POLG2: variants seen among roughly 807,000 people sequenced by gnomAD.
POLG2 encodes DNA polymerase gamma 2, accessory subunit, also known as DNA polymerase subunit gamma-2.
A neutral mutation model predicts 56.5 loss-of-function variants in POLG2; 50 were observed. The ratio of observed to expected loss-of-function variants is 0.88; its 90% CI spans 0.71 to 1.12. The LOEUF (loss-of-function observed/expected upper bound fraction) is 1.12, where lower values mean the gene tolerates loss of function less well. Among genes scored for constraint, POLG2 ranks in the 50% most tolerant of loss-of-function variants. POLG2 has a pLI of 0.00. For synonymous variants in POLG2, 226 were observed against 222.6 expected, an observed-to-expected ratio of 1.02 and a Z score of -0.14; for missense variants, 584 against 583.3, an observed-to-expected ratio of 1.00 and a Z score of -0.01.
rs551963653 is a variant in POLG2 at position 64,481,176 on chromosome 17, T to C, written c.1192-787A>G. 21 of 623,616 alleles carry C rather than the reference T, an allele frequency of 3.4e-5. No individual in the cohort carries two copies. In the South Asian group the frequency reaches 8.5e-4, roughly 25 times the overall value. The allele number at this position is 623,616 out of a possible 1,614,324, so 38.6% of individuals were successfully genotyped here. A position where few individuals can be genotyped will look rare whatever the true frequency, so the allele number is the denominator to read the frequency against. The stretch of plus-strand genomic sequence containing the variant: ...AACCACAAATCTCTCCAGACATTAC[T>C]AAATGGTGACTGAGCTACAGCATCC... On this transcript the variant is annotated intron_variant, in intron 6 of 7. Transcript: ENST00000539111.
chr17:64,482,791 T>G, intron 6 of POLG2, 128 bp downstream of exon 6: 1 of 661,230 alleles, frequency 1.5e-6, no homozygotes, highest in Non-Finnish European at 2.8e-6. Flanking sequence ...CATTTAAGAT[T>G]TTGGATTTTT....
At chr17:64,496,289 GAACT>G (rs578225689) in intron 1 of POLG2, 114 bp downstream of exon 1, 110 of 694,048 alleles carry the variant, frequency 1.6e-4, no homozygotes, top group East Asian at 1.3e-3. Flanking sequence ...AAAAAGATGA[GAACT>G]AACTAACTTC....
rs543014656 is a variant in POLG2, at chr17:64,494,226, T to G, written c.563-1205A>C. 1.1e-4 allele frequency among the ~76,000 whole-genome samples: 17 copies of G among 152,334 alleles called. No individual in the cohort carries two copies. In the South Asian group the frequency reaches 3.5e-3, roughly 32 times the overall value. On this transcript the variant is annotated intron_variant, in intron 1 of 7. Transcript: ENST00000539111. ...TCATAGATTGTCTCACATTTGGGAT[T>G]TGTCTGATTGTTTCCTTATGATTTA... is the stretch of plus-strand genomic sequence containing the variant.
intron 5 of POLG2, 42 bp from the exon 6 acceptor site, chr17:64,483,041 A>G (rs1288123061): frequency 4.1e-6 from 4 of 974,794 alleles, no homozygotes; most frequent in Non-Finnish European, 6.6e-6. Flanking sequence ...AGGAAAGGGG[A>G]AAAAGCATAG....
intron 1 of POLG2, among the ~76,000 whole-genome samples, chr17:64,495,279 A>G (rs2038131866): frequency 6.7e-6 from 1 of 150,152 alleles, no homozygotes; most frequent in Admixed American, 6.6e-5. Flanking sequence ...GTTAGGAAAT[A>G]TATTTTTAAA....
chr17:64,489,060 C>T (rs2038009598), intron 4 of POLG2, among the ~76,000 whole-genome samples: 2 of 145,634 alleles, frequency 1.4e-5, no homozygotes, highest in African/African-American at 5.1e-5. Context: ...TGGTCTCATC[C>T]TGTTGCACAG....
chr17:64,487,133 A>G (rs1172690661), intron 4 of POLG2: 2 of 152,192 alleles, frequency 1.3e-5, no homozygotes, highest in Non-Finnish European at 2.9e-5. Context: ...AGCTTCTGTT[A>G]ATTATTCATG....
At chr17:64,490,717 C>T (rs2038043172) in intron 4 of POLG2, 79 bp downstream of exon 4, 3 of 1,121,808 alleles carry the variant, frequency 2.7e-6, no homozygotes, top group South Asian at 2.5e-5. Context: ...ACCACGTTTG[C>T]ACCTTATTCT....
chr17:64,484,793 A>T (rs1373439609), intron 5 of POLG2, among the ~76,000 whole-genome samples: 1 of 152,192 alleles, frequency 6.6e-6, no homozygotes, highest in African/African-American at 2.4e-5. Flanking sequence ...CTAAATGAAC[A>T]CTGTATAATA....
intron 4 of POLG2, among the ~76,000 whole-genome samples, chr17:64,488,836 C>G (rs536702666): frequency 6.6e-6 from 1 of 151,994 alleles, no homozygotes; most frequent in South Asian, 2.1e-4. Flanking sequence ...GGCGTGGTGG[C>G]GCACACCTAT....
rs530237180 is a variant in POLG2 at position 64,489,569 on chromosome 17, C to T, written c.969+1227G>A. On this transcript the variant is annotated intron_variant, in intron 4 of 7. Transcript: ENST00000539111. ...TCATCCCAGGAGTTCGAGACCAGCC[C>T]GGGCAACAAAGCTAGACCCCGTCTC... is the stretch of plus-strand genomic sequence containing the variant. Among the ~76,000 whole-genome samples, 44 of 151,540 alleles carry T rather than the reference C, an allele frequency of 2.9e-4. 1 individual carries two copies. The highest frequency in any genetic ancestry group is 4.3e-4 in the Non-Finnish European group (29 of 67,858).
intron 4 of POLG2, among the ~76,000 whole-genome samples, chr17:64,487,778 G>C (rs536402876): frequency 1.8e-4 from 28 of 152,160 alleles, no homozygotes; most frequent in Non-Finnish European, 3.8e-4. Context: ...AGGGCAGGAG[G>C]ATCACTTGAG....
rs376183896 is a variant in POLG2 at position 64,497,016 on chromosome 17, C to T, written c.-48G>A. 2.0e-6 allele frequency: 3 copies of T among 1,537,968 alleles called. No individual in the cohort carries two copies. The highest frequency in any genetic ancestry group is 2.7e-6 in the Non-Finnish European group (3 of 1,124,292). Reference sequence around the variant, plus strand: ...CACTCTCCCATCACTCAACGGATCCCAACAAGCCACCACTACCGTTAACAG... The same window carrying T: ...CACTCTCCCATCACTCAACGGATCCTAACAAGCCACCACTACCGTTAACAG... On this transcript the variant is annotated 5_prime_UTR_variant, in exon 1 of 8. Coordinates refer to ENST00000539111, the MANE Select transcript of POLG2 (RefSeq NM_007215.4).
chr17:64,488,825 G>A (rs1157426724), intron 4 of POLG2, among the ~76,000 whole-genome samples: 5 of 151,878 alleles, frequency 3.3e-5, no homozygotes, highest in East Asian at 3.9e-4. Flanking sequence ...AAAATTAACC[G>A]GGCGTGGTGG....
At chr17:64,484,528 C>A (rs1296152407) in intron 5 of POLG2, among the ~76,000 whole-genome samples, 1 of 152,130 alleles carries the variant, frequency 6.6e-6, no homozygotes, top group Admixed American at 6.5e-5. Context: ...ACACAACATG[C>A]ACCTTTTAAC....
Position 64,481,800 on chromosome 17 carries a change from G to A in POLG2, c.1191+1119C>T, listed in dbSNP as rs192945377. On this transcript the variant is annotated intron_variant, in intron 6 of 7. Coordinates refer to ENST00000539111, the MANE Select transcript of POLG2 (RefSeq NM_007215.4). ...TGAGGCAGGAGAATTGCTTGAACCT[G>A]GGAGGCAGAGGTTGCAGTGAGCCGA... Among the ~76,000 whole-genome samples, 198 of 152,034 alleles carry A rather than the reference G, an allele frequency of 1.3e-3. 4 individuals are homozygous for A. The highest frequency in any genetic ancestry group is 8.8e-3 in the East Asian group (45 of 5,128).
rs782196764 is a variant in POLG2, at chr17:64,497,011, G to A, written c.-43C>T. ...GAGCACACTCTCCCATCACTCAACGGATCCCAACAAGCCACCACTACCGTT... is the reference window on the plus strand; with the variant it reads ...GAGCACACTCTCCCATCACTCAACGAATCCCAACAAGCCACCACTACCGTT... On this transcript the variant is annotated 5_prime_UTR_variant, in exon 1 of 8. Coordinates refer to ENST00000539111, the MANE Select transcript of POLG2 (RefSeq NM_007215.4). The A allele has an allele frequency of 1.9e-6, 3 of 1,557,222 alleles. No individual in the cohort carries two copies. The South Asian group carries it at 3.3e-5, about 17-fold the overall frequency.
chr17:64,489,341 T>C (rs2038015417), intron 4 of POLG2, among the ~76,000 whole-genome samples: 1 of 140,862 alleles, frequency 7.1e-6, no homozygotes. Context: ...CTAGAAGGAA[T>C]GATGGAATTT....
At chr17:64,491,777 C>A in intron 3 of POLG2, 1 of 618,576 alleles carries the variant, frequency 1.6e-6, no homozygotes, top group East Asian at 3.4e-5. Flanking sequence ...AGCGGCTATG[C>A]AAGTACCACT....
Sources: allele counts gnomAD v4.1 joint callset (sites outside exome capture counted in the v4.1 genomes callset), GRCh38; gene constraint gnomAD v4.1.1; transcripts MANE v1.5; gene names NCBI Gene and HGNC (gene_info 2026-07-23, HGNC 2026-07-21).